The following LMO7 variants were observed in gnomAD, a reference collection of about 807,000 sequenced individuals.
LMO7 encodes LIM domain only protein 7.
LMO7 carries 120 observed loss-of-function variants against 206.5 expected under a neutral mutation model. That is an observed-to-expected ratio of 0.58 (90% confidence interval 0.50 to 0.68). The LOEUF is 0.68. Ranked by LOEUF, LMO7 falls within the 30% of genes least tolerant of loss-of-function variation. The pLI, the probability that LMO7 is intolerant of heterozygous loss-of-function variation, is 0.00. For synonymous variants in LMO7, 706 were observed against 681.5 expected (o/e 1.04, Z -0.56); for missense variants, 1,959 against 1,957.9 (o/e 1.00, Z -0.01).
intron 6 of LMO7, among the ~76,000 whole-genome samples, chr13:75,799,902 A>G (rs1361676529): frequency 2.0e-5 from 3 of 152,238 alleles, no homozygotes; most frequent in Non-Finnish European, 4.4e-5. Flanking sequence ...AAAAGTGCTT[A>G]TCTTGAGTAA....
chr13:75,851,313 T>C (rs900924816), intron 27 of LMO7, among the ~76,000 whole-genome samples: 1 of 152,232 alleles, frequency 6.6e-6, no homozygotes, highest in Admixed American at 6.5e-5. Context: ...TGTTTAAGAC[T>C]GTTAAACACA....
At chr13:75,770,524 TA>T (rs1462664188) in intron 4 of LMO7, among the ~76,000 whole-genome samples, 4 of 152,078 alleles carry the variant, frequency 2.6e-5, no homozygotes, top group Non-Finnish European at 5.9e-5. Context: ...ACCTTGATCT[TA>T]AAGCCAAAAG....
chr13:75,728,662 G>A (rs1234891841), intron 3 of LMO7, among the ~76,000 whole-genome samples: 1 of 138,786 alleles, frequency 7.2e-6, no homozygotes, highest in African/African-American at 2.9e-5. Flanking sequence ...GGCTTTTGTT[G>A]CCATTGCTTT....
Position 75,819,246 on chromosome 13 carries a change from G to T in LMO7, c.2065-147G>T, listed in dbSNP as rs2057346823. 9.9e-6 allele frequency: 8 copies of T among 805,006 alleles called. No homozygotes were observed. In the South Asian group the frequency reaches 1.6e-4, roughly 16 times the overall value. The allele number at this position is 805,006 out of a possible 1,614,324, so 49.9% of individuals were successfully genotyped here. On this transcript the variant is annotated intron_variant, in intron 12 of 30. Transcript: ENST00000377534. ...ATAAAGGCTTGGTACAGAAACGCTG[G>T]CTATAAAAAGCAAAATTAGGGCACC...
chr13:75,705,619 G>A (rs919287960), intron 1 of LMO7, among the ~76,000 whole-genome samples: 5 of 152,184 alleles, frequency 3.3e-5, no homozygotes, highest in Non-Finnish European at 7.4e-5. Flanking sequence ...ACAGCATTAC[G>A]TGAAATGTGT....
chr13:75,728,596 G>A (rs1397198123), intron 3 of LMO7, among the ~76,000 whole-genome samples: 1 of 141,732 alleles, frequency 7.1e-6, no homozygotes, highest in African/African-American at 2.8e-5. Context: ...TCTGATGGTA[G>A]TTTCTTTTGC....
intron 1 of LMO7, among the ~76,000 whole-genome samples, chr13:75,712,769 A>C (rs1320920283): frequency 6.6e-6 from 1 of 152,208 alleles, no homozygotes. Context: ...ATGGAATTGA[A>C]ATTAATGATA....
intron 15 of LMO7, among the ~76,000 whole-genome samples, chr13:75,825,273 TAAAAGCAG>T (rs373028157): frequency 7.9e-5 from 12 of 152,306 alleles, no homozygotes; most frequent in African/African-American, 2.9e-4. Flanking sequence ...AGATGAATAA[TAAAAGCAG>T]AAGCGAAGTG....
chr13:75,689,634 C>T (rs1202359098), intron 1 of LMO7, among the ~76,000 whole-genome samples: 82 of 152,144 alleles, frequency 5.4e-4, no homozygotes, highest in Non-Finnish European at 1.8e-4. Flanking sequence ...AGGCAAAAGA[C>T]GGTGGAAAGA....
chr13:75,760,559 G>A (rs1369397522), intron 3 of LMO7: 2 of 1,331,950 alleles, frequency 1.5e-6, no homozygotes, highest in African/African-American at 3.0e-5. Context: ...AAAGAGGAGA[G>A]GTGAGGCTTG....
chr13:75,743,554 A>G (rs1370363606), intron 3 of LMO7, among the ~76,000 whole-genome samples: 1 of 152,222 alleles, frequency 6.6e-6, no homozygotes, highest in Non-Finnish European at 1.5e-5. Flanking sequence ...TTGCAGGGAC[A>G]TGAGTGGAGC....
chr13:75,813,793 G>A (rs2138066726), intron 11 of LMO7, among the ~76,000 whole-genome samples: 1 of 152,322 alleles, frequency 6.6e-6, no homozygotes, highest in Non-Finnish European at 1.5e-5. Flanking sequence ...GGCCAAAGGA[G>A]AGCACCCCTG....
chr13:75,655,637 TTATATATATATATATATATATATA>T (rs67966172), intron 1 of LMO7, among the ~76,000 whole-genome samples: 43,907 of 134,074 alleles, frequency 0.33, 7,754 homozygotes, highest in East Asian at 0.35. Flanking sequence ...TTCATGGATT[TTATATATATATATATATATATATA>T]TATATATATA....
chr13:75,787,245 T>A (rs1161479811), intron 4 of LMO7, among the ~76,000 whole-genome samples: 1 of 152,206 alleles, frequency 6.6e-6, no homozygotes, highest in Non-Finnish European at 1.5e-5. Context: ...CACGTCTCAG[T>A]TGTGAAGTTA....
At chr13:75,830,024 TC>T (rs2058511365) in intron 15 of LMO7, among the ~76,000 whole-genome samples, 2 of 152,120 alleles carry the variant, frequency 1.3e-5, no homozygotes, top group African/African-American at 2.4e-5. Context: ...AATCTAGGTT[TC>T]CCCCAACAAT....
chr13:75,793,087 G>A (rs2053530431), intron 4 of LMO7, among the ~76,000 whole-genome samples: 1 of 152,128 alleles, frequency 6.6e-6, no homozygotes, highest in Admixed American at 6.5e-5. Context: ...AGGATGTTCA[G>A]CCCAGTGCAT....
chr13:75,620,505 A>G (rs569843361), exon 1 of LMO7: 3 of 152,352 alleles, frequency 2.0e-5, no homozygotes, highest in East Asian at 1.9e-4. Context: ...TAATGAGCAT[A>G]TGAGATTCCA....
intron 4 of LMO7, among the ~76,000 whole-genome samples, chr13:75,791,152 G>A (rs1425521514): frequency 6.6e-6 from 1 of 151,970 alleles, no homozygotes; most frequent in Non-Finnish European, 1.5e-5. Context: ...AGCTCTGTTA[G>A]GAAGCTTTTT....
At chr13:75,677,059 C>T (rs562731393) in intron 1 of LMO7, among the ~76,000 whole-genome samples, 5 of 152,126 alleles carry the variant, frequency 3.3e-5, no homozygotes, top group Admixed American at 1.3e-4. Flanking sequence ...GGAATGAACC[C>T]AAGTATTTTT....
Sources: gnomAD v4.1 joint callset for allele counts (sites outside exome capture counted in the v4.1 genomes callset) on GRCh38, gnomAD v4.1.1 for gene constraint, MANE v1.5 for transcripts, NCBI Gene and HGNC (gene_info 2026-07-23, HGNC 2026-07-21) for gene names.